The following FAT3 variants were observed in gnomAD, a reference collection of about 807,000 sequenced individuals.
The protein encoded by FAT3 is FAT atypical cadherin 3.
A neutral mutation model predicts 310.2 loss-of-function variants in FAT3; 95 were observed. That is an observed-to-expected ratio of 0.31 (90% CI 0.26 to 0.36). The LOEUF is 0.36. Among genes scored for constraint, FAT3 ranks in the 10% least tolerant of loss-of-function variants. The pLI is 1.00. For missense variants in FAT3, 5,408 were observed against 5,715.6 expected, an observed-to-expected ratio of 0.95 and a Z score of 1.74; for synonymous variants, 2,314 against 2,192.9, an observed-to-expected ratio of 1.06 and a Z score of -1.54.
intron 9 of FAT3, among the ~76,000 whole-genome samples, chr11:92,796,079 A>G (rs1947165543): frequency 1.3e-5 from 2 of 152,004 alleles, no homozygotes; most frequent in Admixed American, 6.6e-5. Context: ...CCCTGGCTCC[A>G]GTAGCATTCA....
chr11:92,799,756 A>T lies in FAT3; in HGVS notation c.6743A>T (p.Tyr2248Phe), dbSNP rs1364884172. 3.1e-6 allele frequency: 5 copies of T among 1,612,820 alleles called. No individual in the cohort carries two copies. The highest frequency in any genetic ancestry group is 4.2e-6 in the Non-Finnish European group (5 of 1,179,374). The change falls in exon 10 of 28, where the codon TAT becomes TTT. Residue 2248 changes from tyrosine (Y) to phenylalanine (F), a missense_variant. Coordinates refer to ENST00000525166, the MANE Select transcript of FAT3 (RefSeq NM_001367949.2). ...GVLKVVSPLDYEVTSAYKLTI... is the reference protein window; with the variant it reads ...GVLKVVSPLDFEVTSAYKLTI... ...CTGAAAGTTGTTAGCCCTTTGGATT[A>T]TGAAGTTACATCTGCTTACAAGCTG... is the stretch of plus-strand genomic sequence containing the variant.
At chr11:92,692,476 T>C (rs1943824092) in intron 3 of FAT3, among the ~76,000 whole-genome samples, 4 of 152,220 alleles carry the variant, frequency 2.6e-5, no homozygotes, top group South Asian at 4.1e-4. Context: ...AAAAGTAGTA[T>C]TTTATTCAAA....
intron 1 of FAT3, chr11:92,314,442 C>A: frequency 4.3e-6 from 1 of 230,808 alleles, no homozygotes; most frequent in Non-Finnish European, 7.1e-6. Flanking sequence ...TTTTAATCTC[C>A]CGAAGCAGTA....
At chr11:92,379,934 G>A (rs932796320) in intron 2 of FAT3, among the ~76,000 whole-genome samples, 10 of 152,064 alleles carry the variant, frequency 6.6e-5, no homozygotes, top group Non-Finnish European at 2.9e-5. Context: ...AGGTAGATGA[G>A]GTAAAAAATC....
chr11:92,291,105 A>ACACACACAC (rs1162309586), intron 1 of FAT3, among the ~76,000 whole-genome samples: 3 of 151,560 alleles, frequency 2.0e-5, no homozygotes, highest in Non-Finnish European at 4.4e-5. Flanking sequence ...ACACACACAC[A>ACACACACAC]CACACACACA....
chr11:92,315,510 TATAGAGAGAGAGAGAGAGAG>T (rs1947429389), intron 1 of FAT3, among the ~76,000 whole-genome samples: 1 of 78,146 alleles, frequency 1.3e-5, no homozygotes, highest in Non-Finnish European at 2.4e-5. Flanking sequence ...TATATATATA[TATAGAGAGAGAGAGAGAGAG>T]AGAGAGAGAG....
At chr11:92,291,966 A>G in intron 1 of FAT3, among the ~76,000 whole-genome samples, 1 of 152,070 alleles carries the variant, frequency 6.6e-6, no homozygotes, top group Admixed American at 6.5e-5. Flanking sequence ...ACTTTTAGCA[A>G]TATCATGGTT....
chr11:92,781,087 T>TA (rs1946739784), intron 7 of FAT3, among the ~76,000 whole-genome samples: 1 of 147,086 alleles, frequency 6.8e-6, no homozygotes, highest in Non-Finnish European at 1.5e-5. Context: ...TTTTTTTTTT[T>TA]TTTTTGAGAC....
chr11:92,593,952 T>C (rs1309685086), intron 3 of FAT3, among the ~76,000 whole-genome samples: 1 of 152,166 alleles, frequency 6.6e-6, no homozygotes, highest in Non-Finnish European at 1.5e-5. Flanking sequence ...ATCTCTACTC[T>C]ACACTGCACA....
At chr11:92,705,794 A>ATGGTGT (rs1565527704) in intron 4 of FAT3, among the ~76,000 whole-genome samples, 9 of 35,234 alleles carry the variant, frequency 2.6e-4, no homozygotes, top group African/African-American at 9.1e-4. Flanking sequence ...TGGTGGTGTG[A>ATGGTGT]TGGTGTTGGT....
chr11:92,485,491 A>G (rs1186989883), intron 2 of FAT3, among the ~76,000 whole-genome samples: 1 of 150,438 alleles, frequency 6.6e-6, no homozygotes, highest in Non-Finnish European at 1.5e-5. Context: ...ATTGGACTGC[A>G]TATTGATAGA....
At chr11:92,742,753 T>TG (rs1945543796) in intron 4 of FAT3, among the ~76,000 whole-genome samples, 1 of 152,214 alleles carries the variant, frequency 6.6e-6, no homozygotes, top group Non-Finnish European at 1.5e-5. Context: ...GCTCCAGAAC[T>TG]GTGAGCCAAA....
intron 2 of FAT3, among the ~76,000 whole-genome samples, chr11:92,360,177 A>G (rs886693299): frequency 6.6e-6 from 1 of 152,186 alleles, no homozygotes; most frequent in Non-Finnish European, 1.5e-5. Flanking sequence ...TACAAAATCA[A>G]TGTACAAAAA....
chr11:92,470,784 C>G (rs950584321), intron 2 of FAT3, among the ~76,000 whole-genome samples: 1 of 152,186 alleles, frequency 6.6e-6, no homozygotes, highest in Non-Finnish European at 1.5e-5. Flanking sequence ...TTTCAAAATT[C>G]TGTCTCTTAG....
Position 92,843,935 on chromosome 11 carries a change from C to T in FAT3, c.10568C>T (p.Ala3523Val), listed in dbSNP as rs764527278. ...CTTTTCACCTCTTGGTTGTTTTAGG[C>T]AAAGGATTCAGGCAAACCCCAGCAA... is the stretch of plus-strand genomic sequence containing the variant. Reference protein sequence around the residue: ...ESLEYVLCVQAKDSGKPQQVS... With the variant: ...ESLEYVLCVQVKDSGKPQQVS... The change falls in exon 19 of 28, where the codon GCA becomes GTA. Residue 3523 changes from alanine to valine, a missense_variant and splice_region_variant. By Grantham distance (64) the Ala-to-Val change is moderately conservative. This residue lies in a region of FAT3 where 4,588 missense variants were observed against 4,809.8 expected (regional missense o/e 0.95). Transcript: ENST00000525166. 6.3e-7 allele frequency: 1 copy of T among 1,591,336 alleles called. No homozygotes were observed. Among genetic ancestry groups the T allele is most frequent in the South Asian group, 1.1e-5 (1 of 87,206 alleles).
chr11:92,225,694 C>T (rs1863875740), intron 1 of FAT3, among the ~76,000 whole-genome samples: 3 of 152,114 alleles, frequency 2.0e-5, no homozygotes. Flanking sequence ...CCAGCCTCCA[C>T]TTTCGCTAGG....
At chr11:92,321,122 G>A (rs1947604105) in intron 1 of FAT3, among the ~76,000 whole-genome samples, 1 of 152,018 alleles carries the variant, frequency 6.6e-6, no homozygotes, top group Non-Finnish European at 1.5e-5. Context: ...AGAGAGAAGA[G>A]AATGAAGGAT....
At chr11:92,380,811 G>A (rs1235159327) in intron 2 of FAT3, among the ~76,000 whole-genome samples, 1 of 152,204 alleles carries the variant, frequency 6.6e-6, no homozygotes, top group African/African-American at 2.4e-5. Flanking sequence ...GTGAGCTTCT[G>A]ATGGGATAAA....
intron 1 of FAT3, among the ~76,000 whole-genome samples, chr11:92,270,878 A>G (rs1482646889): frequency 4.6e-5 from 7 of 151,956 alleles, no homozygotes; most frequent in African/African-American, 1.5e-4. Context: ...ACCACCATCC[A>G]TCCAATTTCT....
Sources: gnomAD v4.1 joint callset for allele counts (sites outside exome capture counted in the v4.1 genomes callset) on GRCh38, gnomAD v4.1.1 for gene constraint, gnomAD v4.1.1 regional missense constraint, MANE v1.5 for transcripts, NCBI Gene and HGNC (gene_info 2026-07-23, HGNC 2026-07-21) for gene names.